Variants in MCF2L observed in about 807,000 individuals in gnomAD.
MCF2L encodes the protein guanine nucleotide exchange factor DBS.
In MCF2L, 97 loss-of-function variants were observed where a neutral mutation model predicts 153.4. The ratio of observed to expected loss-of-function variants is 0.63; its 90% confidence interval spans 0.54 to 0.75. The LOEUF (loss-of-function observed/expected upper bound fraction) is 0.75. Among genes scored for constraint, MCF2L ranks in the 30% least tolerant of loss-of-function variants. The pLI is 0.00. For synonymous variants in MCF2L, 659 were observed against 632.2 expected (o/e 1.04, Z -0.64); for missense variants, 1,347 against 1,495.2 (o/e 0.90, Z 1.64).
chr13:113,064,364 G>T lies in MCF2L; in HGVS notation c.550G>T (p.Glu184Ter). The T allele has an allele frequency of 6.2e-7, 1 of 1,612,930 alleles. No homozygotes were observed. The highest frequency in any genetic ancestry group is 8.5e-7 in the Non-Finnish European group (1 of 1,179,986). The change falls in exon 6 of 30, where the codon GAG (glutamate) becomes TAG (stop). Residue 184 changes from glutamate to a stop codon, truncating the protein, a stop_gained. Coordinates refer to ENST00000535094, the MANE Select transcript of MCF2L (RefSeq NM_001112732.3). LOFTEE classifies it high-confidence loss of function. This position sits in a 1 kb window ranked among gnomAD's most constrained non-coding sequence, Gnocchi z 6.0. ...TTACATCGATAAGTCGCAGCTGACC[G>T]AGGACCTGGGTGGGACCCTGGACTA... Reference protein sequence around the residue: ...HGYIDKSQLTEDLGGTLDYCH... With the variant: ...HGYIDKSQLT
chr13:112,986,862 G>A (rs1020860963), intron 1 of MCF2L, among the ~76,000 whole-genome samples: 2 of 152,270 alleles, frequency 1.3e-5, no homozygotes, highest in African/African-American at 2.4e-5. Context: ...TGCCAGGGCC[G>A]TCTAGGGTTC....
intron 4 of MCF2L, among the ~76,000 whole-genome samples, chr13:113,049,322 T>G (rs1594827941): frequency 3.7e-5 from 2 of 53,968 alleles, no homozygotes; most frequent in Non-Finnish European, 3.5e-5. Flanking sequence ...CCAGGAGGGG[T>G]GAGGGTCTCT....
chr13:112,915,193 A>G (rs939728138), intron 2 of MCF2L, among the ~76,000 whole-genome samples: 4 of 151,816 alleles, frequency 2.6e-5, no homozygotes, highest in African/African-American at 9.7e-5. Context: ...GTGGATCACA[A>G]GGTCAGGAGA....
intron 2 of MCF2L, among the ~76,000 whole-genome samples, chr13:112,929,889 CCT>C (rs1594342826): frequency 6.6e-6 from 1 of 152,204 alleles, no homozygotes; most frequent in Non-Finnish European, 1.5e-5. Flanking sequence ...CCAGATGACC[CCT>C]GTTTTGTGAC....
In MCF2L at chr13:112,993,056, C is replaced by T. The variant is rs1388924030; in HGVS notation, c.80-21707C>T. Among the ~76,000 whole-genome samples, 2 of 152,216 alleles carry T rather than the reference C, an allele frequency of 1.3e-5. No homozygotes were observed. Among genetic ancestry groups the T allele is most frequent in the African/African-American group, 2.4e-5 (1 of 41,462 alleles). Reference sequence around the variant, plus strand: ...CCATGGGGGTGAGGAGAGAGCGGCTCGCTGCCTTGAGAAGCTCCCGCTTCT... The same window carrying T: ...CCATGGGGGTGAGGAGAGAGCGGCTTGCTGCCTTGAGAAGCTCCCGCTTCT... On this transcript the variant is annotated intron_variant, in intron 1 of 29. Transcript: ENST00000535094. The surrounding 1 kb of genome is among the most constrained non-coding windows in gnomAD (Gnocchi z 4.6).
At chr13:113,056,701 A>AGGTGCTGTGTGTTTGGGTGCTGAGTG (rs2029899074) in intron 4 of MCF2L, among the ~76,000 whole-genome samples, 1 of 40,034 alleles carries the variant, frequency 2.5e-5, no homozygotes, top group African/African-American at 1.0e-4. Context: ...CTGAGTGTTT[A>AGGTGCTGTGTGTTTGGGTGCTGAGTG]GGTGCTGTGT....
intron 2 of MCF2L, among the ~76,000 whole-genome samples, chr13:112,929,627 A>C (rs2081441537): frequency 6.6e-6 from 1 of 152,200 alleles, no homozygotes; most frequent in African/African-American, 2.4e-5. Flanking sequence ...CAGGTGTCAG[A>C]ATCACCAGGT....
upstream of MCF2L, among the ~76,000 whole-genome samples, chr13:112,966,296 T>G (rs2081892322): frequency 6.6e-6 from 1 of 152,190 alleles, no homozygotes; most frequent in Non-Finnish European, 1.5e-5. This position sits in a 1 kb window ranked among gnomAD's most constrained non-coding sequence, Gnocchi z 4.1. Context: ...CTCCTGAAAT[T>G]GTGGGTGTTG....
Position 112,983,940 on chromosome 13 carries a change from G to T in MCF2L, c.79+14482G>T, listed in dbSNP as rs563529862. On this transcript the variant is annotated intron_variant, in intron 1 of 29. Coordinates refer to ENST00000535094, the MANE Select transcript of MCF2L (RefSeq NM_001112732.3). This position sits in a 1 kb window ranked among gnomAD's most constrained non-coding sequence, Gnocchi z 4.0. ...CTCACATGGAGGAGGAGCCTCCTCT[G>T]CCCGGAGGAGACGGTGCTGGGAGAA... Among the ~76,000 whole-genome samples the T allele has an allele frequency of 2.0e-5, 3 of 152,344 alleles. No homozygotes were observed. Among genetic ancestry groups the T allele is most frequent in the Admixed American group, 6.5e-5 (1 of 15,306 alleles).
intron 4 of MCF2L, among the ~76,000 whole-genome samples, chr13:113,058,419 GGTGCTGTGTGTTTGA>G (rs2030673910): frequency 2.0e-5 from 3 of 148,608 alleles, no homozygotes; most frequent in African/African-American, 5.0e-5. Flanking sequence ...GTGCTGAGTG[GGTGCTGTGTGTTTGA>G]GTGCTGTGTG....
chr13:113,057,877 GAT>G (rs2030468906), intron 4 of MCF2L, among the ~76,000 whole-genome samples: 1 of 144,896 alleles, frequency 6.9e-6, no homozygotes, highest in Non-Finnish European at 1.5e-5. Context: ...TGAGTGTTTG[GAT>G]GCTGAGTGTT....
chr13:112,904,724 G>A lies in MCF2L; in HGVS notation c.169+2353G>A, dbSNP rs1401111181. On this transcript the variant is annotated intron_variant, in intron 2 of 29. Coordinates refer to the MCF2L transcript ENST00000375608. This position sits in a 1 kb window ranked among gnomAD's most constrained non-coding sequence, Gnocchi z 4.2. ...CCTTGCCTCGTCTGCTCTGTGGAAAGAGAAGCGCACGGCGTGGACTGCGGC... is the reference window on the plus strand; with the variant it reads ...CCTTGCCTCGTCTGCTCTGTGGAAAAAGAAGCGCACGGCGTGGACTGCGGC... 2.6e-5 allele frequency among the ~76,000 whole-genome samples: 4 copies of A among 152,260 alleles called. No homozygotes were observed. The highest frequency in any genetic ancestry group is 9.6e-5 in the African/African-American group (4 of 41,476).
intron 26 of MCF2L, chr13:113,090,696 C>T (rs569124673): frequency 4.3e-5 from 42 of 985,492 alleles, no homozygotes; most frequent in South Asian, 1.4e-4. Flanking sequence ...GGCGTGCAGG[C>T]GGCTCTTCTG....
At chr13:113,063,476 T>C (rs1181030630) in intron 5 of MCF2L, among the ~76,000 whole-genome samples, 15 of 143,996 alleles carry the variant, frequency 1.0e-4, no homozygotes, top group African/African-American at 2.7e-4. Context: ...CCCACAGCGT[T>C]CAGGCGTCCC....
rs187922469 is a variant in MCF2L, at chr13:113,087,677, G to A, written c.2596-30G>A. The A allele has an allele frequency of 3.4e-5, 53 of 1,577,362 alleles. No homozygotes were observed. The East Asian group carries it at 7.6e-4, about 23-fold the overall frequency. On this transcript the variant is annotated intron_variant, in intron 22 of 29. Coordinates refer to ENST00000535094, the MANE Select transcript of MCF2L (RefSeq NM_001112732.3). ...ACAAGGCAGTGGGTTCACTGTGCAC[G>A]CGAACCCCATCTCCACTCTCTGCTC...
At chr13:113,050,550 A>G (rs1283213480) in intron 4 of MCF2L, among the ~76,000 whole-genome samples, 1 of 150,116 alleles carries the variant, frequency 6.7e-6, no homozygotes, top group Admixed American at 6.7e-5. Context: ...TCGTCCAGCA[A>G]ATCTTTCACA....
chr13:112,947,448 CT>C (rs2081649372), intron 2 of MCF2L, among the ~76,000 whole-genome samples: 2 of 152,304 alleles, frequency 1.3e-5, no homozygotes, highest in South Asian at 2.1e-4. Context: ...ATGCAAGTTC[CT>C]CTCCAACCGT....
intron 4 of MCF2L, among the ~76,000 whole-genome samples, chr13:113,049,324 AG>A (rs1437427997): frequency 5.7e-5 from 2 of 35,158 alleles, no homozygotes; most frequent in Non-Finnish European, 1.1e-4. Context: ...AGGAGGGGTG[AG>A]GGTCTCTGCA....
At position 113,074,568 on chromosome 13, in the gene MCF2L, G is replaced by A; in HGVS notation, c.1116+5G>A. 1 of 1,612,770 alleles carries A rather than the reference G, an allele frequency of 6.2e-7. No homozygotes were observed. Among genetic ancestry groups the A allele is most frequent in the South Asian group, 1.1e-5 (1 of 91,082 alleles). On this transcript the variant is annotated splice_donor_5th_base_variant and intron_variant, in intron 10 of 29. Transcript: ENST00000535094. This position sits in a 1 kb window ranked among gnomAD's most constrained non-coding sequence, Gnocchi z 4.2. ...AGCTTCGAGGAGAAATCAGGCGTAA[G>A]GCGGGGTCCCGGCGGGGGCGGCGGG...
Sources: allele counts gnomAD v4.1 joint callset (sites outside exome capture counted in the v4.1 genomes callset), GRCh38; gene constraint gnomAD v4.1.1; non-coding constraint Gnocchi (gnomAD v3.1); transcripts MANE v1.5; gene names NCBI Gene and HGNC (gene_info 2026-07-23, HGNC 2026-07-21).